Variants in GALNT13 observed in about 807,000 individuals in gnomAD.
The protein encoded by GALNT13 is UDP-GalNAc:polypeptide N-acetylgalactosaminyltransferase 13.
A neutral mutation model predicts 64.2 loss-of-function variants in GALNT13; 28 were observed. The ratio of observed to expected loss-of-function variants is 0.44; its 90% CI spans 0.32 to 0.60. GALNT13 has a LOEUF of 0.60. Ranked by LOEUF, GALNT13 falls within the 20% of genes least tolerant of loss-of-function variation. The probability of loss-of-function intolerance (pLI) is 0.05; values close to 1 mark genes in which losing one functional copy is unlikely to be tolerated. For missense variants in GALNT13, 577 were observed against 669.8 expected (o/e 0.86, Z 1.53); for synonymous variants, 214 against 224.6 (o/e 0.95, Z 0.42).
At chr2:153,226,845 A>T in the GALNT13 span, among the ~76,000 whole-genome samples, 1 of 152,242 alleles carries the variant, frequency 6.6e-6, no homozygotes, top group Non-Finnish European at 1.5e-5. Flanking sequence ...GGTTAATTGT[A>T]ACAAATGTAC....
At chr2:153,474,752 A>C in the GALNT13 span, among the ~76,000 whole-genome samples, 1 of 152,188 alleles carries the variant, frequency 6.6e-6, no homozygotes, top group Non-Finnish European at 1.5e-5. Flanking sequence ...GGGCTTCAGG[A>C]AATATCAGAT....
At chr2:153,665,710 A>G in the GALNT13 span, among the ~76,000 whole-genome samples, 1 of 152,146 alleles carries the variant, frequency 6.6e-6, no homozygotes, top group African/African-American at 2.4e-5. Flanking sequence ...ACTAATTCCT[A>G]GCCCCAAGCA....
At chr2:153,927,884 A>G (rs976542952) in intron 2 of GALNT13, among the ~76,000 whole-genome samples, 3 of 152,080 alleles carry the variant, frequency 2.0e-5, no homozygotes, top group Admixed American at 1.3e-4. Context: ...TACTTTATTA[A>G]CTAGTTTAAG....
the GALNT13 span, among the ~76,000 whole-genome samples, chr2:153,290,580 TCTC>T: frequency 6.6e-6 from 1 of 152,138 alleles, no homozygotes; most frequent in Non-Finnish European, 1.5e-5. Context: ...ACAATACCAA[TCTC>T]CTTATTTTGT....
At chr2:153,432,025 G>A in the GALNT13 span, among the ~76,000 whole-genome samples, 9 of 152,082 alleles carry the variant, frequency 5.9e-5, no homozygotes, top group East Asian at 1.5e-3. Context: ...TTTTCTTCTT[G>A]TATAACATCT....
At chr2:153,368,605 C>T in the GALNT13 span, among the ~76,000 whole-genome samples, 307 of 152,164 alleles carry the variant, frequency 2.0e-3, 1 homozygote, top group Non-Finnish European at 3.3e-3. Context: ...ATAAAGAATA[C>T]AATTCTCTAA....
intron 10 of GALNT13, among the ~76,000 whole-genome samples, chr2:154,399,705 G>A (rs1392663556): frequency 3.3e-5 from 5 of 151,938 alleles, no homozygotes; most frequent in Non-Finnish European, 5.9e-5. Flanking sequence ...CATGAATTTT[G>A]GATAAAGGCA....
the GALNT13 span, among the ~76,000 whole-genome samples, chr2:153,391,358 G>A: frequency 6.6e-6 from 1 of 151,986 alleles, no homozygotes; most frequent in East Asian, 1.9e-4. Context: ...CACTGTAGAT[G>A]GGGGTACAGT....
At chr2:153,283,571 G>A in the GALNT13 span, among the ~76,000 whole-genome samples, 2 of 152,232 alleles carry the variant, frequency 1.3e-5, no homozygotes, top group African/African-American at 4.8e-5. Flanking sequence ...AATGCCCAGA[G>A]ATATCTGCTA....
intron 3 of GALNT13, among the ~76,000 whole-genome samples, chr2:154,139,664 G>A (rs571081733): frequency 2.2e-4 from 32 of 147,748 alleles, no homozygotes; most frequent in African/African-American, 6.9e-4. Context: ...CCCTTGAAAC[G>A]TATACTTTAG....
At chr2:154,448,517 G>T (rs966654782) in intron 12 of GALNT13, among the ~76,000 whole-genome samples, 2 of 152,022 alleles carry the variant, frequency 1.3e-5, no homozygotes, top group South Asian at 2.1e-4. Flanking sequence ...AGTCTAAAAG[G>T]TCTGGTTTTC....
At chr2:154,221,452 T>G (rs1007005947) in intron 4 of GALNT13, among the ~76,000 whole-genome samples, 1 of 152,092 alleles carries the variant, frequency 6.6e-6, no homozygotes, top group Non-Finnish European at 1.5e-5. Context: ...GGTAGATATT[T>G]CTTTTGACTG....
the GALNT13 span, among the ~76,000 whole-genome samples, chr2:153,455,742 C>T: frequency 3.9e-3 from 593 of 152,214 alleles, 1 homozygote; most frequent in Non-Finnish European, 5.3e-3. Context: ...TGCCTTTTCA[C>T]GTGGGGTAGC....
the GALNT13 span, among the ~76,000 whole-genome samples, chr2:153,081,053 T>C: frequency 2.0e-5 from 3 of 152,088 alleles, no homozygotes; most frequent in African/African-American, 4.8e-5. Flanking sequence ...GCTTCTTATA[T>C]ATAGCATAAT....
At chr2:153,090,655 A>G in the GALNT13 span, among the ~76,000 whole-genome samples, 1 of 152,188 alleles carries the variant, frequency 6.6e-6, no homozygotes, top group Admixed American at 6.5e-5. Flanking sequence ...TAAGTTGGAC[A>G]GCATATGGGA....
chr2:153,723,974 CAAA>C, the GALNT13 span, among the ~76,000 whole-genome samples: 4 of 149,324 alleles, frequency 2.7e-5, no homozygotes, highest in Non-Finnish European at 5.9e-5. Flanking sequence ...CATATGGAAC[CAAA>C]AAAGAGCCCG....
the GALNT13 span, among the ~76,000 whole-genome samples, chr2:153,439,529 TC>T: frequency 6.6e-6 from 1 of 152,052 alleles, no homozygotes; most frequent in Non-Finnish European, 1.5e-5. Flanking sequence ...CAGGTGCCCC[TC>T]CCCCAGCATT....
intron 9 of GALNT13, among the ~76,000 whole-genome samples, chr2:154,327,983 T>C (rs565740579): frequency 6.6e-6 from 1 of 152,172 alleles, no homozygotes; most frequent in Non-Finnish European, 1.5e-5. Context: ...TCCTATTTTA[T>C]ACACTTGTAT....
the GALNT13 span, among the ~76,000 whole-genome samples, chr2:153,636,411 C>T: frequency 6.6e-6 from 1 of 152,064 alleles, no homozygotes; most frequent in Admixed American, 6.6e-5. Flanking sequence ...GTGGTATCCT[C>T]AGTTGATATT....
Sources: gnomAD v4.1 joint callset for allele counts (sites outside exome capture counted in the v4.1 genomes callset) on GRCh38, gnomAD v4.1.1 for gene constraint, MANE v1.5 for transcripts, NCBI Gene and HGNC (gene_info 2026-07-23, HGNC 2026-07-21) for gene names.